Variants in DLEC1 observed in about 807,000 individuals in gnomAD.
The protein encoded by DLEC1 is DLEC1 cilia and flagella associated protein.
In DLEC1, 146 loss-of-function variants were observed where a neutral mutation model predicts 198.1. The observed-to-expected ratio is 0.74, with a 90% CI of 0.64 to 0.85. DLEC1 has a LOEUF of 0.85. Ranked by LOEUF, DLEC1 falls within the 40% of genes least tolerant of loss-of-function variation. The probability of loss-of-function intolerance (pLI) is 0.00; values close to 1 mark genes in which losing one functional copy is unlikely to be tolerated. For synonymous variants in DLEC1, 897 were observed against 866.8 expected (o/e 1.03, Z -0.61); for missense variants, 2,233 against 2,220.0 (o/e 1.01, Z -0.12).
chr3:38,115,655 G>A (rs115928689), intron 27 of DLEC1, among the ~76,000 whole-genome samples: 140 of 152,252 alleles, frequency 9.2e-4, no homozygotes, highest in African/African-American at 3.2e-3. Context: ...GAGCAGGACT[G>A]AAGGCAGGAG....
At chr3:38,075,617 G>T (rs527820529) in intron 6 of DLEC1, among the ~76,000 whole-genome samples, 3 of 151,900 alleles carry the variant, frequency 2.0e-5, no homozygotes, top group Non-Finnish European at 2.9e-5. Flanking sequence ...GGGTCGGGGC[G>T]TGGAAATAAG....
At position 38,108,449 on chromosome 3, in the gene DLEC1, C is replaced by A; in HGVS notation, c.3063C>A (p.Pro1021=). The A allele has an allele frequency of 3.1e-6, 5 of 1,614,210 alleles. No homozygotes were observed. Among genetic ancestry groups the A allele is most frequent in the Admixed American group, 3.3e-5 (2 of 60,030 alleles). ...QAEFCMVTVS[P]KHGLLGPSEE... ...AATTCTGCATGGTGACAGTCTCCCCCAAACATGGCCTGCTGGGCCCAAGTG... is the reference window on the plus strand; with the variant it reads ...AATTCTGCATGGTGACAGTCTCCCCAAAACATGGCCTGCTGGGCCCAAGTG... The change falls in exon 21 of 37, where the codon CCC becomes CCA. Residue 1021 remains proline (P), a synonymous_variant. Transcript: ENST00000308059.
At chr3:38,094,298 G>C (rs981469375) in intron 12 of DLEC1, among the ~76,000 whole-genome samples, 1 of 152,176 alleles carries the variant, frequency 6.6e-6, no homozygotes, top group Non-Finnish European at 1.5e-5. Context: ...CCCAACCAGG[G>C]CTGCCCTGGG....
intron 35 of DLEC1, 31 bp from the exon 36 acceptor site, chr3:38,122,040 A>T: frequency 6.2e-7 from 1 of 1,610,900 alleles, no homozygotes; most frequent in East Asian, 2.2e-5. Context: ...GGCTGCCTGC[A>T]CTCATGTGTC....
In DLEC1 at chr3:38,112,516, C is replaced by T. The variant is rs1465582865; in HGVS notation, c.3666+155C>T. Among the ~76,000 whole-genome samples the T allele has an allele frequency of 5.3e-5, 8 of 152,212 alleles. No homozygotes were observed. Among genetic ancestry groups the T allele is most frequent in the Non-Finnish European group, 1.2e-4 (8 of 68,038 alleles). On this transcript the variant is annotated intron_variant, in intron 25 of 36. Transcript: ENST00000308059. This position sits in a 1 kb window ranked among gnomAD's most constrained non-coding sequence, Gnocchi z 4.8. ...CCGAGCTTGGGATGGGCATTCGTGT[C>T]TGAGGCAGCCTCTGGGGTTCTGGCT... is the stretch of plus-strand genomic sequence containing the variant.
At chr3:38,085,492 G>A (rs746902169) in intron 8 of DLEC1, 45 bp downstream of exon 8, 63 of 1,606,296 alleles carry the variant, frequency 3.9e-5, no homozygotes, top group Non-Finnish European at 4.7e-5. Context: ...TAAGGTTGGA[G>A]AGTCCCCATA....
At chr3:38,094,758 G>T in intron 12 of DLEC1, 121 bp from the exon 13 acceptor site, 1 of 1,177,474 alleles carries the variant, frequency 8.5e-7, no homozygotes, top group South Asian at 1.5e-5. Flanking sequence ...AGGCTGACCT[G>T]GTTTCTTCCT....
At chr3:38,091,525 C>T (rs1452374506) in intron 10 of DLEC1, among the ~76,000 whole-genome samples, 1 of 152,040 alleles carries the variant, frequency 6.6e-6, no homozygotes, top group Non-Finnish European at 1.5e-5. Context: ...AATGGGATTA[C>T]CTCAAACGAA....
At chr3:38,109,762 TC>T in intron 22 of DLEC1, 200 bp downstream of exon 22, 1 of 912,736 alleles carries the variant, frequency 1.1e-6, no homozygotes, top group African/African-American at 1.7e-5. Flanking sequence ...CTGTGTGGTC[TC>T]CCCACACACA....
intron 6 of DLEC1, among the ~76,000 whole-genome samples, chr3:38,083,066 G>C (rs567604345): frequency 1.5e-3 from 223 of 151,762 alleles, no homozygotes; most frequent in Non-Finnish European, 2.5e-3. Flanking sequence ...GAGGTTGAGG[G>C]ATAGTGAGGG....
intron 22 of DLEC1, chr3:38,109,860 C>CAGT: frequency 1.5e-6 from 1 of 680,178 alleles, no homozygotes; most frequent in Non-Finnish European, 2.4e-6. Flanking sequence ...GGCCCAGCAA[C>CAGT]TGGGAGCCAT....
intron 36 of DLEC1, 38 bp downstream of exon 36, chr3:38,122,232 A>C: frequency 1.2e-6 from 2 of 1,609,478 alleles, no homozygotes; most frequent in East Asian, 4.5e-5. Flanking sequence ...CTGCCCACAG[A>C]GCCTGGACCC....
At chr3:38,092,679 A>G in intron 10 of DLEC1, 111 bp from the exon 11 acceptor site, 2 of 976,908 alleles carry the variant, frequency 2.0e-6, no homozygotes. Flanking sequence ...GGAGGGGAAC[A>G]GAGAGTGAAG....
In DLEC1 at chr3:38,078,167, C is replaced by G. The variant is rs76446248; in HGVS notation, c.1174-5991C>G. ...TAATGTGAGAGGCCAGATTGAGGTC[C>G]GGGCCAGGAACAATGGTAACTGTGG... On this transcript the variant is annotated intron_variant, in intron 6 of 36. Transcript: ENST00000308059. Among the ~76,000 whole-genome samples, 406 of 152,048 alleles carry G rather than the reference C, an allele frequency of 2.7e-3. 1 individual carries two copies. Among genetic ancestry groups the G allele is most frequent in the African/African-American group, 9.4e-3 (389 of 41,432 alleles).
rs1700474568 is a variant in DLEC1 at position 38,121,728 on chromosome 3, AG to A, written c.4969del (p.Val1657SerfsTer3). 2 of 1,613,858 alleles carry A rather than the reference AG, an allele frequency of 1.2e-6. No homozygotes were observed. The highest frequency in any genetic ancestry group is 1.3e-5 in the African/African-American group (1 of 74,872). ...TCFVSQQRVR[E>X]VYLMNLSGCR... Reference sequence around the variant, plus strand: ...TTTGTGAGCCAGCAGCGAGTCCGGGAGGTCTACCTGATGAACCTGAGCGGGT... The same window carrying A: ...TTTGTGAGCCAGCAGCGAGTCCGGGAGTCTACCTGATGAACCTGAGCGGGT... On this transcript the variant is annotated frameshift_variant, in exon 35 of 37. Transcript: ENST00000308059. LOFTEE classifies it high-confidence loss of function.
At chr3:38,094,716 C>T (rs552766150) in intron 12 of DLEC1, among the ~76,000 whole-genome samples, 163 bp from the exon 13 acceptor site, 1 of 152,300 alleles carries the variant, frequency 6.6e-6, no homozygotes, top group East Asian at 1.9e-4. Context: ...TGCCCCTCCT[C>T]CATTGGAGGG....
At chr3:38,081,041 C>T (rs1575162002) in intron 6 of DLEC1, among the ~76,000 whole-genome samples, 1 of 131,476 alleles carries the variant, frequency 7.6e-6, no homozygotes. Flanking sequence ...TGCCTTCAAG[C>T]GTCTGTTTAA....
At chr3:38,091,402 T>C (rs1232572723) in intron 10 of DLEC1, among the ~76,000 whole-genome samples, 1 of 152,120 alleles carries the variant, frequency 6.6e-6, no homozygotes, top group East Asian at 1.9e-4. Flanking sequence ...TGTTAGAGGC[T>C]GCAGTGAGAA....
chr3:38,097,495 C>G lies in DLEC1; in HGVS notation c.2435-12C>G, dbSNP rs764525016. ...TTCTCCTCTCCACCTCTCCCTTTCC[C>G]TCTCTTCTCAGAGCCCAGTGAGGTC... On this transcript the variant is annotated splice_polypyrimidine_tract_variant and intron_variant, in intron 16 of 36. Coordinates refer to ENST00000308059, the MANE Select transcript of DLEC1 (RefSeq NM_007335.4). 6.2e-7 allele frequency: 1 copy of G among 1,613,938 alleles called. No individual in the cohort carries two copies. Among genetic ancestry groups the G allele is most frequent in the South Asian group, 1.1e-5 (1 of 91,040 alleles).
Sources: allele counts gnomAD v4.1 joint callset (sites outside exome capture counted in the v4.1 genomes callset), GRCh38; gene constraint gnomAD v4.1.1; non-coding constraint Gnocchi (gnomAD v3.1); transcripts MANE v1.5; gene names NCBI Gene and HGNC (gene_info 2026-07-23, HGNC 2026-07-21).